ATP2B4: variants seen among roughly 807,000 people sequenced by gnomAD.
ATP2B4 encodes the protein ATPase plasma membrane Ca2+ transporting 4.
Under a neutral mutation model 110.3 loss-of-function variants are expected in ATP2B4, and 39 were observed. That is an observed-to-expected ratio of 0.35 (90% confidence interval 0.27 to 0.46). ATP2B4 has a LOEUF of 0.46. Ranked by LOEUF, ATP2B4 falls within the 20% of genes least tolerant of loss-of-function variation. The pLI is 1.00. For missense variants in ATP2B4, 1,135 were observed against 1,530.9 expected (o/e 0.74, Z 4.32); for synonymous variants, 538 against 571.7 (o/e 0.94, Z 0.84).
intron 1 of ATP2B4, among the ~76,000 whole-genome samples, chr1:203,665,045 T>C (rs1396690877): frequency 6.6e-6 from 1 of 152,002 alleles, no homozygotes; most frequent in Non-Finnish European, 1.5e-5. Context: ...GGTCTCAATC[T>C]CCTGACCTCG....
intron 13 of ATP2B4, among the ~76,000 whole-genome samples, chr1:203,712,343 A>G (rs1224029956): frequency 6.6e-6 from 1 of 152,210 alleles, no homozygotes; most frequent in East Asian, 1.9e-4. Flanking sequence ...CTGTAATTCC[A>G]GCACTTTGGG....
At chr1:203,647,264 T>TA (rs1350444646) in intron 1 of ATP2B4, among the ~76,000 whole-genome samples, 1 of 151,246 alleles carries the variant, frequency 6.6e-6, no homozygotes, top group Non-Finnish European at 1.5e-5. Flanking sequence ...CTCCGTCACT[T>TA]AAAAAAATAA....
Position 203,698,355 on chromosome 1 carries a change from G to A in ATP2B4, c.391+1G>A. On this transcript the variant is annotated splice_donor_variant, in intron 3 of 20. Transcript: ENST00000357681. LOFTEE classifies it high-confidence loss of function. ...CGCCCTGCTGGTGAAGAAAATGAAC[G>A]TGAGTGTCCTAAACAGCTCAGCGTG... 1 of 1,613,942 alleles carries A rather than the reference G, an allele frequency of 6.2e-7. No homozygotes were observed. The highest frequency in any genetic ancestry group is 8.5e-7 in the Non-Finnish European group (1 of 1,179,878).
Position 203,630,506 on chromosome 1 carries a change from C to T in ATP2B4, c.-465+3287C>T, listed in dbSNP as rs148056093. ...GAAAAGGATCTTGTTCATTCTTAGTCCCCAGAATGACCAAGACAAACCCCG... is the reference window on the plus strand; with the variant it reads ...GAAAAGGATCTTGTTCATTCTTAGTTCCCAGAATGACCAAGACAAACCCCG... On this transcript the variant is annotated intron_variant, in intron 1 of 20. Transcript: ENST00000357681. 7.4e-3 allele frequency among the ~76,000 whole-genome samples: 1,133 copies of T among 152,082 alleles called. 11 individuals are homozygous for T. The highest frequency in any genetic ancestry group is 0.025 in the African/African-American group (1,050 of 41,482).
chr1:203,684,052 G>A (rs111505243), intron 2 of ATP2B4, among the ~76,000 whole-genome samples: 3 of 152,100 alleles, frequency 2.0e-5, no homozygotes, highest in African/African-American at 7.2e-5. Flanking sequence ...TGTTATAAAT[G>A]TTGTTGTCAG....
At chr1:203,709,014 A>G (rs34059005) in intron 10 of ATP2B4, among the ~76,000 whole-genome samples, 17,185 of 152,024 alleles carry the variant, frequency 0.11, 2,492 homozygotes, top group East Asian at 0.4. Context: ...AAAATTAGCT[A>G]GGCATGGTGG....
chr1:203,707,506 A>G (rs886189701), intron 9 of ATP2B4, among the ~76,000 whole-genome samples: 1 of 151,160 alleles, frequency 6.6e-6, no homozygotes, highest in Non-Finnish European at 1.5e-5. Context: ...GAATGCAATG[A>G]TGCAACCTCC....
chr1:203,657,637 T>C (rs867845449), intron 1 of ATP2B4: 1 of 900,590 alleles, frequency 1.1e-6, no homozygotes, highest in Non-Finnish European at 1.9e-6. Flanking sequence ...TTTGCCTTCT[T>C]TGAACGTTCA....
intron 1 of ATP2B4, among the ~76,000 whole-genome samples, chr1:203,628,274 C>T (rs1571654801): frequency 6.6e-6 from 1 of 151,986 alleles, no homozygotes; most frequent in African/African-American, 2.4e-5. Flanking sequence ...TTCCCCGAGT[C>T]GAGTCTGGCC....
intron 8 of ATP2B4, among the ~76,000 whole-genome samples, chr1:203,706,397 G>A (rs941484865): frequency 6.6e-6 from 1 of 152,154 alleles, no homozygotes; most frequent in Non-Finnish European, 1.5e-5. Flanking sequence ...TGCTTGCCTG[G>A]CCCACAGCAG....
intron 10 of ATP2B4, 72 bp downstream of exon 10, chr1:203,708,176 C>T: frequency 2.5e-6 from 4 of 1,588,556 alleles, no homozygotes; most frequent in East Asian, 2.2e-5. Context: ...CTGAAATGAA[C>T]CCCCTTATTG....
intron 8 of ATP2B4, among the ~76,000 whole-genome samples, 181 bp from the exon 9 acceptor site, chr1:203,706,828 G>A (rs180827445): frequency 2.6e-5 from 4 of 152,282 alleles, no homozygotes; most frequent in Admixed American, 2.6e-4. Flanking sequence ...CGAAACCACT[G>A]TCTGTTCCCT....
rs1176720610 is a variant in ATP2B4, at chr1:203,639,749, T to G, written c.-465+12530T>G. Among the ~76,000 whole-genome samples, 3 of 152,198 alleles carry G rather than the reference T, an allele frequency of 2.0e-5. No homozygotes were observed. In the East Asian group the frequency reaches 5.8e-4, roughly 29 times the overall value. ...AGCCGCTCGGTTGGCCTCCCAGTGT[T>G]ACCTGACTTTACCATCCCCTGCTTA... is the stretch of plus-strand genomic sequence containing the variant. On this transcript the variant is annotated intron_variant, in intron 1 of 20. Coordinates refer to ENST00000357681, the MANE Select transcript of ATP2B4 (RefSeq NM_001684.5).
chr1:203,703,954 T>C (rs1438330527), intron 8 of ATP2B4, 141 bp downstream of exon 8: 3 of 1,061,636 alleles, frequency 2.8e-6, no homozygotes, highest in Non-Finnish European at 4.0e-6. Flanking sequence ...AGGCGGCTGT[T>C]TCCCTATCTC....
chr1:203,631,311 C>T lies in ATP2B4; in HGVS notation c.-465+4092C>T, dbSNP rs112171050. Among the ~76,000 whole-genome samples the T allele has an allele frequency of 5.7e-3, 869 of 152,352 alleles. 8 individuals carry two copies. Among genetic ancestry groups the T allele is most frequent in the African/African-American group, 0.02 (833 of 41,572 alleles). On this transcript the variant is annotated intron_variant, in intron 1 of 20. Coordinates refer to ENST00000357681, the MANE Select transcript of ATP2B4 (RefSeq NM_001684.5). Reference sequence around the variant, plus strand: ...GCCTAAGATCCTCAGCCTCATTACTCACCTCTGCTCTAGTTTCCCAAGTTT... The same window carrying T: ...GCCTAAGATCCTCAGCCTCATTACTTACCTCTGCTCTAGTTTCCCAAGTTT...
intron 15 of ATP2B4, among the ~76,000 whole-genome samples, chr1:203,719,666 G>C (rs11240260): frequency 1.3e-5 from 2 of 151,782 alleles, no homozygotes; most frequent in African/African-American, 4.8e-5. Context: ...AGTGAGCTGA[G>C]ATCACACCAC....
rs533820805 is a variant in ATP2B4, at chr1:203,647,257, C to T, written c.-465+20038C>T. On this transcript the variant is annotated intron_variant, in intron 1 of 20. Transcript: ENST00000357681. ...CAGTCTGGGCAACTTAGTGAGACTC[C>T]GTCACTTAAAAAAATAAAAAATAAA... Among the ~76,000 whole-genome samples, 38 of 151,518 alleles carry T rather than the reference C, an allele frequency of 2.5e-4. 1 individual carries two copies. Among genetic ancestry groups the T allele is most frequent in the South Asian group, 1.0e-3 (5 of 4,772 alleles).
intron 1 of ATP2B4, among the ~76,000 whole-genome samples, chr1:203,674,984 C>T (rs1384842976): frequency 6.6e-6 from 1 of 152,182 alleles, no homozygotes; most frequent in Non-Finnish European, 1.5e-5. Context: ...GCTGGGATTA[C>T]AGGCATGAGC....
intron 20 of ATP2B4, among the ~76,000 whole-genome samples, chr1:203,728,469 T>C (rs746778628): frequency 6.6e-6 from 1 of 152,182 alleles, no homozygotes; most frequent in Non-Finnish European, 1.5e-5. Context: ...TCAAGGGTGG[T>C]CTCCAGAAAA....
Sources: gnomAD v4.1 joint callset for allele counts (sites outside exome capture counted in the v4.1 genomes callset) on GRCh38, gnomAD v4.1.1 for gene constraint, MANE v1.5 for transcripts, NCBI Gene and HGNC (gene_info 2026-07-23, HGNC 2026-07-21) for gene names.